Variants in TENM2 observed in about 807,000 individuals in gnomAD.
TENM2 encodes teneurin-2.
A neutral mutation model predicts 245.2 loss-of-function variants in TENM2; 52 were observed. That is an observed-to-expected ratio of 0.21 (90% CI 0.17 to 0.27). TENM2 has a LOEUF of 0.27. Ranked by LOEUF, TENM2 falls within the 10% of genes least tolerant of loss-of-function variation. TENM2 has a pLI of 1.00. For missense variants in TENM2, 3,046 were observed against 3,666.8 expected (o/e 0.83, Z 4.37); for synonymous variants, 1,363 against 1,438.9 (o/e 0.95, Z 1.19).
At chr5:168,111,974 G>A (rs920919284) in intron 9 of TENM2, among the ~76,000 whole-genome samples, 20 of 152,026 alleles carry the variant, frequency 1.3e-4, no homozygotes, top group African/African-American at 1.5e-4. Context: ...GATATCAAAC[G>A]TTATGCTGTA....
chr5:167,077,679 A>C, the TENM2 span, among the ~76,000 whole-genome samples: 1 of 152,198 alleles, frequency 6.6e-6, no homozygotes, highest in Non-Finnish European at 1.5e-5. Context: ...TAGTGTGCTC[A>C]TTTATGTTTG....
At chr5:167,812,248 C>T (rs1245137840) in intron 2 of TENM2, among the ~76,000 whole-genome samples, 1 of 152,086 alleles carries the variant, frequency 6.6e-6, no homozygotes, top group Non-Finnish European at 1.5e-5. Flanking sequence ...GTAATGAAGG[C>T]TTTGTCTGGA....
At chr5:167,950,619 GA>G (rs1392374635) in intron 3 of TENM2, among the ~76,000 whole-genome samples, 2 of 152,154 alleles carry the variant, frequency 1.3e-5, no homozygotes, top group African/African-American at 2.4e-5. Context: ...GGAGTTGAGA[GA>G]GGGGGAAAGA....
At chr5:167,307,105 G>A (rs993775968) in intron 1 of TENM2, among the ~76,000 whole-genome samples, 6 of 152,182 alleles carry the variant, frequency 3.9e-5, no homozygotes, top group Non-Finnish European at 8.8e-5. Context: ...AATCAAATCC[G>A]TGTGTTGAGA....
rs1766341323 is a variant in TENM2 at position 168,244,103 on chromosome 5, A to G, written c.5521-317A>G. 6.6e-6 allele frequency among the ~76,000 whole-genome samples: 1 copy of G among 151,762 alleles called. No individual in the cohort carries two copies. The highest frequency in any genetic ancestry group is 6.6e-5 in the Admixed American group (1 of 15,254). On this transcript the variant is annotated intron_variant, in intron 25 of 28. Transcript: ENST00000518659. This position sits in a 1 kb window ranked among gnomAD's most constrained non-coding sequence, Gnocchi z 4.9. The stretch of plus-strand genomic sequence containing the variant: ...CAGGTGCATGCCACCATGCCAGCTA[A>G]TTTTTATATTTTTAGTACAGACGGG...
At chr5:167,119,252 A>G in the TENM2 span, among the ~76,000 whole-genome samples, 1 of 152,232 alleles carries the variant, frequency 6.6e-6, no homozygotes, top group Non-Finnish European at 1.5e-5. Context: ...CACACATTTA[A>G]ACTTCAGGCT....
chr5:167,032,645 T>TA, the TENM2 span, among the ~76,000 whole-genome samples: 520 of 152,314 alleles, frequency 3.4e-3, 3 homozygotes, highest in African/African-American at 0.012. Context: ...TTCTGATAGA[T>TA]ACGTATGGGA....
the TENM2 span, chr5:167,116,651 T>C: frequency 1.3e-5 from 2 of 151,692 alleles, no homozygotes; most frequent in African/African-American, 2.4e-5. Flanking sequence ...TCTTCACTTA[T>C]GAAGTGGGTA....
chr5:167,656,249 G>T (rs1403616513), intron 2 of TENM2, among the ~76,000 whole-genome samples: 1 of 152,146 alleles, frequency 6.6e-6, no homozygotes, highest in Non-Finnish European at 1.5e-5. Flanking sequence ...GGGCCATAAT[G>T]GTAGAGAAGA....
intron 3 of TENM2, among the ~76,000 whole-genome samples, chr5:167,884,070 C>T (rs767364446): frequency 1.3e-5 from 2 of 151,976 alleles, no homozygotes; most frequent in Non-Finnish European, 2.9e-5. Flanking sequence ...TAATCTATAT[C>T]TCAGTATTTT....
At chr5:167,804,491 A>G (rs1454536174) in intron 2 of TENM2, among the ~76,000 whole-genome samples, 1 of 152,134 alleles carries the variant, frequency 6.6e-6, no homozygotes, top group Non-Finnish European at 1.5e-5. Context: ...AATTGGAACA[A>G]TAATAGTAAT....
At chr5:167,524,989 A>G (rs1443521248) in intron 2 of TENM2, among the ~76,000 whole-genome samples, 1 of 151,906 alleles carries the variant, frequency 6.6e-6, no homozygotes, top group Non-Finnish European at 1.5e-5. Flanking sequence ...TGGGAAACAC[A>G]ATATTTTGGT....
rs1759495809 is a variant in TENM2 at position 167,719,675 on chromosome 5, C to T, written c.503-156311C>T. On this transcript the variant is annotated intron_variant, in intron 2 of 28. Transcript: ENST00000518659. Reference sequence around the variant, plus strand: ...AAAGTACATGCGAGAGAGTCTTCTGCAGAACTGAGCAGATCCTCCAGAACA... The same window carrying T: ...AAAGTACATGCGAGAGAGTCTTCTGTAGAACTGAGCAGATCCTCCAGAACA... 2.0e-5 allele frequency among the ~76,000 whole-genome samples: 3 copies of T among 152,330 alleles called. No homozygotes were observed. In the South Asian group the frequency reaches 6.2e-4, roughly 32 times the overall value.
chr5:168,208,733 G>A (rs1392617201), intron 19 of TENM2, among the ~76,000 whole-genome samples: 2 of 152,164 alleles, frequency 1.3e-5, no homozygotes, highest in African/African-American at 2.4e-5. Context: ...GAGACTGATT[G>A]GCACTATTTT....
At chr5:167,200,561 G>T in the TENM2 span, among the ~76,000 whole-genome samples, 1 of 152,028 alleles carries the variant, frequency 6.6e-6, no homozygotes, top group Non-Finnish European at 1.5e-5. Flanking sequence ...ATAGAAGTGA[G>T]GTCTAAGGAT....
chr5:167,742,867 C>T (rs1296970707), intron 2 of TENM2, among the ~76,000 whole-genome samples: 1 of 151,876 alleles, frequency 6.6e-6, no homozygotes, highest in Non-Finnish European at 1.5e-5. Context: ...ACTCAGGAGG[C>T]TAAGGCAGAA....
At chr5:168,069,720 T>A (rs1790817715) in intron 7 of TENM2, among the ~76,000 whole-genome samples, 2 of 152,188 alleles carry the variant, frequency 1.3e-5, no homozygotes, top group South Asian at 4.1e-4. Context: ...CACCTTCATC[T>A]TCTTTCTCTC....
At chr5:168,252,991 G>C (rs768591162) in intron 27 of TENM2, among the ~76,000 whole-genome samples, 6 of 152,088 alleles carry the variant, frequency 3.9e-5, no homozygotes, top group Non-Finnish European at 5.9e-5. Flanking sequence ...TTTTGAGACA[G>C]AGTCTTGCTC....
At position 168,019,577 on chromosome 5, in the gene TENM2, C is replaced by G. The variant is rs114368028; in HGVS notation, c.1186+26395C>G. 4.0e-3 allele frequency among the ~76,000 whole-genome samples: 603 copies of G among 152,190 alleles called. 8 individuals carry two copies. Among genetic ancestry groups the G allele is most frequent in the African/African-American group, 0.013 (557 of 41,518 alleles). ...TCAGTCCATTGATCAGCCTTTTGCT[C>G]GATACTGGACAGAGTAACCTGGAGC... On this transcript the variant is annotated intron_variant, in intron 5 of 28. Coordinates refer to ENST00000518659, the Ensembl canonical transcript of TENM2.
Sources: allele counts gnomAD v4.1 joint callset (sites outside exome capture counted in the v4.1 genomes callset), GRCh38; gene constraint gnomAD v4.1.1; non-coding constraint Gnocchi (gnomAD v3.1); transcripts MANE v1.5; gene names NCBI Gene and HGNC (gene_info 2026-07-23, HGNC 2026-07-21).